INPP4B: variants seen among roughly 807,000 people sequenced by gnomAD.
The protein encoded by INPP4B is inositol polyphosphate-4-phosphatase type II B.
A neutral mutation model predicts 122.5 loss-of-function variants in INPP4B; 55 were observed. That is an observed-to-expected ratio of 0.45 (90% confidence interval 0.36 to 0.56). The LOEUF is 0.56. Ranked by LOEUF, INPP4B falls within the 20% of genes least tolerant of loss-of-function variation. The pLI, the probability that INPP4B is intolerant of heterozygous loss-of-function variation, is 0.00. For missense variants in INPP4B, 1,000 were observed against 1,097.7 expected, an observed-to-expected ratio of 0.91 and a Z score of 1.26; for synonymous variants, 403 against 388.7, an observed-to-expected ratio of 1.04 and a Z score of -0.43.
chr4:142,781,460 C>T (rs1330424121), intron 1 of INPP4B, among the ~76,000 whole-genome samples: 1 of 152,084 alleles, frequency 6.6e-6, no homozygotes, highest in East Asian at 1.9e-4. Context: ...CATGTAACAC[C>T]CAGGGTAGTT....
At position 142,337,208 on chromosome 4, in the gene INPP4B, C is replaced by T. The variant is rs141960136; in HGVS notation, c.373-22446G>A. 5.4e-3 allele frequency among the ~76,000 whole-genome samples: 813 copies of T among 151,512 alleles called. 10 individuals are homozygous for T. Among genetic ancestry groups the T allele is most frequent in the African/African-American group, 0.019 (773 of 41,264 alleles). The stretch of plus-strand genomic sequence containing the variant: ...TTGCCTGACTGTACTACAATTTATC[C>T]CTATTCCTCTTGATGGTTATTTAGG... On this transcript the variant is annotated intron_variant, in intron 7 of 25. Transcript: ENST00000262992.
intron 7 of INPP4B, among the ~76,000 whole-genome samples, chr4:142,360,926 T>C (rs926712005): frequency 8.6e-5 from 13 of 151,994 alleles, no homozygotes; most frequent in Admixed American, 7.2e-4. Context: ...TATTTATATA[T>C]ACATATCTAT....
intron 2 of INPP4B, among the ~76,000 whole-genome samples, chr4:142,649,378 AG>A (rs1752460066): frequency 6.6e-6 from 1 of 152,212 alleles, no homozygotes; most frequent in Non-Finnish European, 1.5e-5. Context: ...GACTTTGACA[AG>A]TTGACAGAAG....
At chr4:142,656,579 C>G (rs1754183764) in intron 2 of INPP4B, among the ~76,000 whole-genome samples, 1 of 152,156 alleles carries the variant, frequency 6.6e-6, no homozygotes, top group Admixed American at 6.5e-5. Flanking sequence ...GGATCCCGCA[C>G]AGCTGGCTGG....
chr4:142,641,253 AC>A (rs1453117057), intron 2 of INPP4B, among the ~76,000 whole-genome samples: 1 of 151,634 alleles, frequency 6.6e-6, no homozygotes, highest in Non-Finnish European at 1.5e-5. Flanking sequence ...CAGCACCAAA[AC>A]TTTTATTTTT....
intron 14 of INPP4B, among the ~76,000 whole-genome samples, chr4:142,195,355 G>C (rs528482336): frequency 6.6e-6 from 1 of 152,200 alleles, no homozygotes; most frequent in South Asian, 2.1e-4. Context: ...GAGATATGCT[G>C]TATAACATAG....
chr4:142,076,048 G>A (rs1379891919), intron 25 of INPP4B, among the ~76,000 whole-genome samples: 4 of 151,996 alleles, frequency 2.6e-5, no homozygotes, highest in Non-Finnish European at 5.9e-5. Flanking sequence ...GGTTGACTTG[G>A]GAAGGTGTGG....
intron 2 of INPP4B, among the ~76,000 whole-genome samples, chr4:142,660,222 A>G (rs1440967651): frequency 1.3e-5 from 2 of 152,078 alleles, no homozygotes; most frequent in Non-Finnish European, 2.9e-5. Context: ...GCTGCTTTGC[A>G]TGGCGAGACC....
At chr4:142,606,836 G>A (rs1339655807) in intron 2 of INPP4B, among the ~76,000 whole-genome samples, 4 of 151,958 alleles carry the variant, frequency 2.6e-5, no homozygotes, top group African/African-American at 9.7e-5. Context: ...GTGCATATAT[G>A]TCTTTTAAGC....
At chr4:142,510,214 C>A (rs1580245690) in intron 2 of INPP4B, among the ~76,000 whole-genome samples, 1 of 152,144 alleles carries the variant, frequency 6.6e-6, no homozygotes, top group African/African-American at 2.4e-5. Flanking sequence ...AGGTTCATAT[C>A]AGTTCATTTA....
At chr4:142,230,605 T>C (rs1019258596) in intron 12 of INPP4B, among the ~76,000 whole-genome samples, 1 of 142,394 alleles carries the variant, frequency 7.0e-6, no homozygotes, top group African/African-American at 2.6e-5. Context: ...ATCACACCAT[T>C]GCACTCCAGC....
intron 1 of INPP4B, among the ~76,000 whole-genome samples, chr4:142,782,210 C>T (rs1186433313): frequency 1.3e-5 from 2 of 151,720 alleles, no homozygotes; most frequent in Non-Finnish European, 2.9e-5. Context: ...TCAATTCCCA[C>T]CTATGAGTGA....
intron 2 of INPP4B, among the ~76,000 whole-genome samples, chr4:142,612,946 A>G (rs1013510452): frequency 1.3e-5 from 2 of 152,156 alleles, no homozygotes; most frequent in African/African-American, 2.4e-5. Flanking sequence ...TTTCTAGCTA[A>G]GTTTTGGCCC....
At chr4:142,053,653 C>G (rs985740946) in intron 25 of INPP4B, among the ~76,000 whole-genome samples, 2 of 152,020 alleles carry the variant, frequency 1.3e-5, no homozygotes, top group African/African-American at 2.4e-5. Context: ...TCAATATTAA[C>G]CTGAATCTCC....
intron 1 of INPP4B, among the ~76,000 whole-genome samples, chr4:142,844,100 C>T (rs1352809894): frequency 6.6e-6 from 1 of 152,106 alleles, no homozygotes; most frequent in Non-Finnish European, 1.5e-5. Context: ...ATTCAATTTG[C>T]AGCCCCAAAC....
chr4:142,649,480 G>C (rs1752483762), intron 2 of INPP4B, among the ~76,000 whole-genome samples: 2 of 152,138 alleles, frequency 1.3e-5, no homozygotes, highest in South Asian at 4.1e-4. Flanking sequence ...CTTGATAAAA[G>C]GTTATATGGA....
intron 2 of INPP4B, among the ~76,000 whole-genome samples, chr4:142,517,999 T>C (rs976380227): frequency 2.6e-5 from 4 of 152,164 alleles, no homozygotes; most frequent in African/African-American, 7.2e-5. Context: ...TATCACAATG[T>C]GTCACAAAGG....
At chr4:142,743,692 T>C (rs1768237325) in intron 1 of INPP4B, among the ~76,000 whole-genome samples, 1 of 151,944 alleles carries the variant, frequency 6.6e-6, no homozygotes, top group Non-Finnish European at 1.5e-5. Flanking sequence ...AAGTAAGATA[T>C]GTTTTAGATT....
rs544566039 is a variant in INPP4B at position 142,382,115 on chromosome 4, A to T, written c.372+20823T>A. Among the ~76,000 whole-genome samples the T allele has an allele frequency of 3.3e-3, 499 of 152,302 alleles. 3 individuals carry two copies. The highest frequency in any genetic ancestry group is 8.5e-4 in the Non-Finnish European group (58 of 68,032). ...GAGATTTTATTTAAAATTATGTTAA[A>T]TTTATGCATTGAATTTGGGACAGTT... On this transcript the variant is annotated intron_variant, in intron 7 of 25. Transcript: ENST00000262992.
Sources: gnomAD v4.1 joint callset for allele counts (sites outside exome capture counted in the v4.1 genomes callset) on GRCh38, gnomAD v4.1.1 for gene constraint, MANE v1.5 for transcripts, NCBI Gene and HGNC (gene_info 2026-07-23, HGNC 2026-07-21) for gene names.